Variants in CSMD1 observed in about 807,000 individuals in gnomAD.
The protein encoded by CSMD1 is CUB and sushi domain-containing protein 1.
CSMD1 carries 213 observed loss-of-function variants against 417.5 expected under a neutral mutation model. The ratio of observed to expected loss-of-function variants is 0.51; its 90% CI spans 0.46 to 0.57. The LOEUF (loss-of-function observed/expected upper bound fraction) is 0.57, where lower values mean the gene tolerates loss of function less well. Among genes scored for constraint, CSMD1 ranks in the 20% least tolerant of loss-of-function variants. The probability of loss-of-function intolerance (pLI) is 0.00; values close to 1 mark genes in which losing one functional copy is unlikely to be tolerated. For synonymous variants in CSMD1, 2,862 were observed against 1,736.8 expected (o/e 1.65, Z -16.11); for missense variants, 6,923 against 4,529.7 (o/e 1.53, Z -15.17).
chr8:4,481,755 A>G (rs1445861941), intron 2 of CSMD1, among the ~76,000 whole-genome samples: 2 of 152,216 alleles, frequency 1.3e-5, no homozygotes, highest in Non-Finnish European at 2.9e-5. Context: ...AATATTAGAT[A>G]CTGTGCCTAG....
intron 1 of CSMD1, among the ~76,000 whole-genome samples, chr8:4,976,449 C>A (rs1810565714): frequency 6.6e-6 from 1 of 152,046 alleles, no homozygotes; most frequent in African/African-American, 2.4e-5. Flanking sequence ...ACAATTTTGA[C>A]AAAAAATACA....
chr8:4,682,589 T>C (rs1458016139), intron 1 of CSMD1, among the ~76,000 whole-genome samples: 1 of 152,128 alleles, frequency 6.6e-6, no homozygotes, highest in East Asian at 1.9e-4. Flanking sequence ...AAATGTATGA[T>C]GCAGTCTGAA....
At chr8:3,023,836 A>C (rs1461302796) in intron 51 of CSMD1, among the ~76,000 whole-genome samples, 1 of 150,828 alleles carries the variant, frequency 6.6e-6, no homozygotes, top group Non-Finnish European at 1.5e-5. Context: ...GGCCACTCTA[A>C]AATGAACACT....
intron 2 of CSMD1, among the ~76,000 whole-genome samples, chr8:4,463,183 A>C (rs952999214): frequency 6.6e-6 from 1 of 152,204 alleles, no homozygotes; most frequent in Non-Finnish European, 1.5e-5. Flanking sequence ...AGCCCGTATA[A>C]AAATTCTCAG....
At chr8:3,846,033 C>G (rs146219417) in intron 5 of CSMD1, among the ~76,000 whole-genome samples, 1 of 151,956 alleles carries the variant, frequency 6.6e-6, no homozygotes, top group African/African-American at 2.4e-5. Flanking sequence ...TCTGAAAGAG[C>G]TGCCTAAGAC....
At chr8:4,564,949 T>G (rs1440283293) in intron 2 of CSMD1, among the ~76,000 whole-genome samples, 2 of 152,210 alleles carry the variant, frequency 1.3e-5, no homozygotes, top group African/African-American at 4.8e-5. Context: ...TGTTATGAAT[T>G]TTTGTGCTCA....
intron 1 of CSMD1, among the ~76,000 whole-genome samples, chr8:4,875,748 C>G (rs968354757): frequency 6.6e-6 from 1 of 152,026 alleles, no homozygotes; most frequent in Non-Finnish European, 1.5e-5. Context: ...TATGCTCAAA[C>G]AAGCAACCTT....
At chr8:3,988,050 C>T (rs960087109) in intron 5 of CSMD1, among the ~76,000 whole-genome samples, 2 of 152,184 alleles carry the variant, frequency 1.3e-5, no homozygotes, top group African/African-American at 4.8e-5. Flanking sequence ...GATTTGGAAA[C>T]ACTACTGTGC....
At chr8:4,172,050 C>T (rs914274303) in intron 3 of CSMD1, among the ~76,000 whole-genome samples, 7 of 152,064 alleles carry the variant, frequency 4.6e-5, no homozygotes, top group South Asian at 2.1e-4. Context: ...ACACAATGCA[C>T]GATGCTTAAA....
chr8:4,273,250 A>G (rs1227527347), intron 3 of CSMD1, among the ~76,000 whole-genome samples: 1 of 152,158 alleles, frequency 6.6e-6, no homozygotes, highest in Non-Finnish European at 1.5e-5. Flanking sequence ...TAAAAAGGCA[A>G]TGAGCATATT....
At chr8:3,825,690 C>G (rs1332816308) in intron 5 of CSMD1, among the ~76,000 whole-genome samples, 2 of 152,088 alleles carry the variant, frequency 1.3e-5, no homozygotes, top group Non-Finnish European at 2.9e-5. Flanking sequence ...CAAGAGCTCC[C>G]TCAAAGACAT....
intron 10 of CSMD1, among the ~76,000 whole-genome samples, chr8:3,503,722 C>T (rs929106092): frequency 2.6e-5 from 4 of 152,164 alleles, no homozygotes; most frequent in African/African-American, 9.6e-5. Context: ...GGAAAGGATT[C>T]CTGAGAAGAC....
At chr8:3,986,945 G>C (rs760369560) in intron 5 of CSMD1, among the ~76,000 whole-genome samples, 15 of 152,146 alleles carry the variant, frequency 9.9e-5, no homozygotes, top group African/African-American at 1.7e-4. Context: ...AGTATACAGG[G>C]CGTTTCACCA....
intron 20 of CSMD1, among the ~76,000 whole-genome samples, chr8:3,363,686 G>T (rs1176916233): frequency 6.6e-6 from 1 of 152,094 alleles, no homozygotes; most frequent in Non-Finnish European, 1.5e-5. Flanking sequence ...TGCCACCAAG[G>T]CTTTTGAATG....
chr8:4,684,693 C>T (rs75909397), intron 1 of CSMD1, among the ~76,000 whole-genome samples: 1,737 of 152,274 alleles, frequency 0.011, 17 homozygotes, highest in Non-Finnish European at 0.02. Context: ...ATCATACATA[C>T]GCTTTCCCTG....
intron 5 of CSMD1, among the ~76,000 whole-genome samples, chr8:3,870,518 T>G (rs1037602284): frequency 6.6e-6 from 1 of 152,162 alleles, no homozygotes; most frequent in South Asian, 2.1e-4. Flanking sequence ...ATTTACCGTT[T>G]GAGAGCTATG....
chr8:3,992,257 A>C (rs1034790900), intron 5 of CSMD1, among the ~76,000 whole-genome samples: 1 of 151,970 alleles, frequency 6.6e-6, no homozygotes, highest in Non-Finnish European at 1.5e-5. Flanking sequence ...TCTAAGCTCT[A>C]TTTTTCATGA....
intron 1 of CSMD1, among the ~76,000 whole-genome samples, chr8:4,954,764 G>T (rs1427428402): frequency 6.6e-6 from 1 of 152,018 alleles, no homozygotes; most frequent in Non-Finnish European, 1.5e-5. Flanking sequence ...AATAATAACT[G>T]CTATTACACA....
intron 2 of CSMD1, among the ~76,000 whole-genome samples, chr8:4,471,056 CATT>C (rs1468176774): frequency 1.3e-5 from 2 of 152,084 alleles, no homozygotes; most frequent in African/African-American, 4.8e-5. Context: ...CTAATTTCCT[CATT>C]AATAAATCAG....
Sources: gnomAD v4.1 joint callset for allele counts (sites outside exome capture counted in the v4.1 genomes callset) on GRCh38, gnomAD v4.1.1 for gene constraint, MANE v1.5 for transcripts, NCBI Gene and HGNC (gene_info 2026-07-23, HGNC 2026-07-21) for gene names.